VPS13A: variants seen among roughly 807,000 people sequenced by gnomAD.
VPS13A encodes the protein vacuolar protein sorting 13 homolog A.
Under a neutral mutation model 390.9 loss-of-function variants are expected in VPS13A, and 264 were observed. That is an observed-to-expected ratio of 0.68 (90% CI 0.61 to 0.75). VPS13A has a LOEUF of 0.75. VPS13A is among the 30% of genes least tolerant of loss of function. The pLI, the probability that VPS13A is intolerant of heterozygous loss-of-function variation, is 0.00. For synonymous variants in VPS13A, 1,231 were observed against 1,227.1 expected (o/e 1.00, Z -0.07); for missense variants, 3,409 against 3,733.9 (o/e 0.91, Z 2.27).
intron 19 of VPS13A, among the ~76,000 whole-genome samples, chr9:77,243,635 T>C (rs1171458093): frequency 6.6e-6 from 1 of 152,194 alleles, no homozygotes; most frequent in Non-Finnish European, 1.5e-5. Flanking sequence ...TTTCTTTCAG[T>C]TATTTCATTT....
chr9:77,252,373 G>C (rs776363287), intron 22 of VPS13A, 21 bp downstream of exon 22: 1 of 1,570,666 alleles, frequency 6.4e-7, no homozygotes, highest in South Asian at 1.1e-5. Context: ...TTTGTTTCAT[G>C]TGAATATGGA....
intron 3 of VPS13A, among the ~76,000 whole-genome samples, chr9:77,203,730 G>A (rs549190448): frequency 6.6e-6 from 1 of 152,238 alleles, no homozygotes; most frequent in South Asian, 2.1e-4. Context: ...ATTTTAAGCA[G>A]TCTGTTGGTA....
chr9:77,389,677 T>C (rs944257154), intron 68 of VPS13A: 3 of 152,210 alleles, frequency 2.0e-5, no homozygotes, highest in Non-Finnish European at 4.4e-5. Context: ...CTCTATACTT[T>C]TTTAAAAACA....
At position 77,412,645 on chromosome 9, in the gene VPS13A, C is replaced by T. The variant is rs1016807680; in HGVS notation, c.9475-3311C>T. Among the ~76,000 whole-genome samples, 4 of 152,216 alleles carry T rather than the reference C, an allele frequency of 2.6e-5. No individual in the cohort carries two copies. The South Asian group carries it at 8.3e-4, about 32-fold the overall frequency. On this transcript the variant is annotated intron_variant, in intron 71 of 71. Transcript: ENST00000360280. ...TGACAAACCCACAGCCAATATCATA[C>T]CGAATGGGCAAAAACTGGAAGCATT...
chr9:77,298,604 T>C (rs1351379461), intron 33 of VPS13A, among the ~76,000 whole-genome samples: 1 of 152,136 alleles, frequency 6.6e-6, no homozygotes, highest in Admixed American at 6.5e-5. Flanking sequence ...AACTGAATTT[T>C]TTGCCAAGCA....
intron 3 of VPS13A, among the ~76,000 whole-genome samples, chr9:77,205,005 G>A (rs1196163022): frequency 6.6e-6 from 1 of 152,148 alleles, no homozygotes; most frequent in Non-Finnish European, 1.5e-5. Context: ...TGATATTAAG[G>A]ATTGTTGATT....
chr9:77,370,402 T>C lies in VPS13A; in HGVS notation c.8744-13T>C. The C allele has an allele frequency of 1.9e-6, 3 of 1,614,184 alleles. No homozygotes were observed. Among genetic ancestry groups the C allele is most frequent in the South Asian group, 1.1e-5 (1 of 91,088 alleles). Reference sequence around the variant, plus strand: ...ATGGCATCATTACTTTTACTAAAGATAATTTCTGTCAGGTGGATTGGCTGG... The same window carrying C: ...ATGGCATCATTACTTTTACTAAAGACAATTTCTGTCAGGTGGATTGGCTGG... On this transcript the variant is annotated splice_polypyrimidine_tract_variant and intron_variant, in intron 64 of 71. Coordinates refer to ENST00000360280, the MANE Select transcript of VPS13A (RefSeq NM_033305.3).
chr9:77,369,517 AACAC>A, intron 63 of VPS13A, 105 bp downstream of exon 63: 3 of 816,208 alleles, frequency 3.7e-6, no homozygotes, highest in Non-Finnish European at 6.4e-6. Context: ...CAGATTTTGG[AACAC>A]ACACAAAAGG....
chr9:77,318,166 AT>A, intron 40 of VPS13A, 68 bp from the exon 41 acceptor site: 1 of 809,090 alleles, frequency 1.2e-6, no homozygotes, highest in Non-Finnish European at 1.9e-6. Context: ...CATAATATAT[AT>A]TTAATATTTC....
At chr9:77,264,978 C>T (rs565836248) in intron 23 of VPS13A, among the ~76,000 whole-genome samples, 13 of 152,232 alleles carry the variant, frequency 8.5e-5, no homozygotes, top group African/African-American at 2.6e-4. Flanking sequence ...TCCATCAATA[C>T]CTAGTTTATT....
intron 34 of VPS13A, among the ~76,000 whole-genome samples, chr9:77,306,152 G>A (rs1336724268): frequency 1.3e-5 from 2 of 152,114 alleles, no homozygotes; most frequent in African/African-American, 4.8e-5. Flanking sequence ...AACATTAGTA[G>A]TATGTATAAG....
intron 68 of VPS13A, among the ~76,000 whole-genome samples, chr9:77,391,825 T>C (rs1460272434): frequency 6.6e-6 from 1 of 152,210 alleles, no homozygotes; most frequent in African/African-American, 2.4e-5. Context: ...TTTGCTGGCT[T>C]TATTTGGTAG....
chr9:77,406,756 C>A (rs1487086841), intron 70 of VPS13A, among the ~76,000 whole-genome samples: 1 of 151,048 alleles, frequency 6.6e-6, no homozygotes, highest in Non-Finnish European at 1.5e-5. Flanking sequence ...GAATGTAATT[C>A]TTCTAGTGTC....
In VPS13A at chr9:77,357,839, G is replaced by A. The variant is rs372141290; in HGVS notation, c.7953+1G>A. The stretch of plus-strand genomic sequence containing the variant: ...TAGAATTCAGATTTACAGAATACAG[G>A]TAAGTCTTTCTGAAAATATAGGCAA... On this transcript the variant is annotated splice_donor_variant, in intron 56 of 71. Coordinates refer to ENST00000360280, the MANE Select transcript of VPS13A (RefSeq NM_033305.3). LOFTEE classifies it high-confidence loss of function. The A allele has an allele frequency of 4.3e-6, 7 of 1,611,550 alleles. No individual in the cohort carries two copies. The highest frequency in any genetic ancestry group is 5.9e-6 in the Non-Finnish European group (7 of 1,179,338).
At chr9:77,369,154 G>A (rs1188787844) in intron 62 of VPS13A, 145 bp from the exon 63 acceptor site, 1 of 673,276 alleles carries the variant, frequency 1.5e-6, no homozygotes, top group African/African-American at 1.8e-5. Context: ...AAAAAGAGTA[G>A]TGATTAATAA....
chr9:77,393,348 A>G (rs1219712694), intron 68 of VPS13A, among the ~76,000 whole-genome samples: 1 of 152,198 alleles, frequency 6.6e-6, no homozygotes, highest in Non-Finnish European at 1.5e-5. Flanking sequence ...GTCATCCATG[A>G]TGGTTGCAAT....
At chr9:77,290,532 A>T (rs1827588648) in intron 31 of VPS13A, among the ~76,000 whole-genome samples, 3 of 144,870 alleles carry the variant, frequency 2.1e-5, no homozygotes, top group African/African-American at 5.2e-5. Context: ...CTCCTCCTCC[A>T]CTTTTTCCCT....
chr9:77,206,028 C>A lies in VPS13A; in HGVS notation c.334C>A (p.Gln112Lys). Residue 112 changes from glutamine (Q) to lysine (K), a missense_variant, in exon 5 of 72, where the codon CAA becomes AAA. By Grantham distance (53) the Gln-to-Lys change is moderately conservative (BLOSUM62 1). Transcript: ENST00000360280. ...KEEKQLMEAK[Q>K]QELKRIEEAK... is the part of the protein sequence containing the mutation. Reference sequence around the variant, plus strand: ...AGAGAAACAACTCATGGAAGCAAAGCAACAGGAACTGAAAAGAATAGAAGA... The same window carrying A: ...AGAGAAACAACTCATGGAAGCAAAGAAACAGGAACTGAAAAGAATAGAAGA... 6.3e-7 allele frequency: 1 copy of A among 1,582,904 alleles called. No individual in the cohort carries two copies.
chr9:77,192,953 C>A (rs1457314588), intron 1 of VPS13A, among the ~76,000 whole-genome samples: 1 of 152,144 alleles, frequency 6.6e-6, no homozygotes, highest in Non-Finnish European at 1.5e-5. Flanking sequence ...TGCTTGTTTT[C>A]TCTCCCTCTC....
Sources: gnomAD v4.1 joint callset for allele counts (sites outside exome capture counted in the v4.1 genomes callset) on GRCh38, gnomAD v4.1.1 for gene constraint, MANE v1.5 for transcripts, NCBI Gene and HGNC (gene_info 2026-07-23, HGNC 2026-07-21) for gene names.